The following TXNL4B variants were observed in gnomAD, a reference collection of about 807,000 sequenced individuals.
The protein encoded by TXNL4B is thioredoxin-like protein 4B.
In TXNL4B, 12 loss-of-function variants were observed where a neutral mutation model predicts 13.0. The ratio of observed to expected loss-of-function variants is 0.92; its 90% confidence interval spans 0.59 to 1.49. The LOEUF (loss-of-function observed/expected upper bound fraction) is 1.49, where lower values mean the gene tolerates loss of function less well. TXNL4B is among the 40% of genes most tolerant of loss of function. The pLI, the probability that TXNL4B is intolerant of heterozygous loss-of-function variation, is 0.00. For missense variants in TXNL4B, 214 were observed against 173.6 expected (o/e 1.23, Z -1.31); for synonymous variants, 59 against 58.9 (o/e 1.00, Z -0.01).
At chr16:72,090,975 C>G (rs764654365) in intron 1 of TXNL4B, among the ~76,000 whole-genome samples, 189 bp from the exon 2 acceptor site, 2 of 152,168 alleles carry the variant, frequency 1.3e-5, no homozygotes, top group African/African-American at 2.4e-5. Flanking sequence ...TTCCCTCCCC[C>G]GGGCCAGATA....
chr16:72,087,503 T>A (rs987838171), intron 3 of TXNL4B: 1 of 152,208 alleles, frequency 6.6e-6, no homozygotes, highest in African/African-American at 2.4e-5. Context: ...CATATTAAAG[T>A]CCTGGAAGTG....
At chr16:72,086,915 G>T in intron 3 of TXNL4B, 113 bp from the exon 4 acceptor site, 1 of 801,512 alleles carries the variant, frequency 1.2e-6, no homozygotes, top group South Asian at 2.4e-5. Flanking sequence ...TCTTGTCAAT[G>T]AGACTTCAGA....
chr16:72,092,190 C>T (rs2041917209), intron 1 of TXNL4B, among the ~76,000 whole-genome samples: 1 of 152,218 alleles, frequency 6.6e-6, no homozygotes, highest in African/African-American at 2.4e-5. Context: ...GGGTGGATCA[C>T]CTATGGCCAG....
At position 72,089,093 on chromosome 16, in the gene TXNL4B, G is replaced by A. The variant is rs773866268; in HGVS notation, c.178C>T (p.Leu60=). 4 of 1,612,472 alleles carry A rather than the reference G, an allele frequency of 2.5e-6. No individual in the cohort carries two copies. The highest frequency in any genetic ancestry group is 3.4e-6 in the Non-Finnish European group (4 of 1,178,606). ...SDLSKMAAIY[L]VDVDQTAVYT... ...ACTGCAGTTTGGTCCACATCTACCA[G>A]GTATATAGCAGCCATTTTACTTAAG... is the stretch of plus-strand genomic sequence containing the variant. The change falls in exon 3 of 4, where the codon CTG becomes TTG. Residue 60 remains leucine, a synonymous_variant. Transcript: ENST00000268483.
At chr16:72,090,495 T>C (rs748139130) in intron 2 of TXNL4B, 123 bp downstream of exon 2, 4 of 955,382 alleles carry the variant, frequency 4.2e-6, no homozygotes, top group Admixed American at 5.0e-5. Flanking sequence ...CAGCTCTTAG[T>C]GAACTAACAA....
chr16:72,091,634 A>G (rs189011817), intron 1 of TXNL4B, among the ~76,000 whole-genome samples: 15 of 152,344 alleles, frequency 9.8e-5, no homozygotes, highest in Admixed American at 9.8e-4. Context: ...ATGGCAGCAT[A>G]TTATTTCTTG....
chr16:72,090,686 C>A lies in TXNL4B; in HGVS notation c.64G>T (p.Ala22Ser), dbSNP rs752798691. The A allele has an allele frequency of 2.5e-6, 4 of 1,614,184 alleles. No homozygotes were observed. Among genetic ancestry groups the A allele is most frequent in the Non-Finnish European group, 2.5e-6 (3 of 1,180,024 alleles). The change falls in exon 2 of 4, where the codon GCT becomes TCT. Residue 22 changes from alanine (A) to serine (S), a missense_variant. Ala to Ser is a moderately conservative substitution (Grantham distance 99, BLOSUM62 1). Transcript: ENST00000268483. ...AACCTGAGAACCAACACCTTCTCAGCAGTACTTTTTATCGCCTGGTCTACT... is the reference window on the plus strand; with the variant it reads ...AACCTGAGAACCAACACCTTCTCAGAAGTACTTTTTATCGCCTGGTCTACT... ...KEVDQAIKST[A>S]EKVLVLRFGR...
rs907613679 is a variant in TXNL4B, at chr16:72,086,540, C to A, written c.*97G>T. The A allele has an allele frequency of 1.3e-5, 15 of 1,193,242 alleles. No homozygotes were observed. The highest frequency in any genetic ancestry group is 1.7e-5 in the Non-Finnish European group (14 of 841,106). 73.9% of individuals were successfully genotyped at this position (1,193,242 alleles called of 1,614,324 possible). A position where few individuals can be genotyped will look rare whatever the true frequency, so the allele number is the denominator to read the frequency against. Reference sequence around the variant, plus strand: ...AAGTCAAACCTCTTCTCCTCTGGGACACATGTTTCCAAAGGACTCCAGAAA... The same window carrying A: ...AAGTCAAACCTCTTCTCCTCTGGGAAACATGTTTCCAAAGGACTCCAGAAA... On this transcript the variant is annotated 3_prime_UTR_variant, in exon 4 of 4. Coordinates refer to ENST00000268483, the MANE Select transcript of TXNL4B (RefSeq NM_017853.3).
intron 3 of TXNL4B, among the ~76,000 whole-genome samples, chr16:72,087,780 T>A (rs1187854279): frequency 6.6e-6 from 1 of 152,154 alleles, no homozygotes; most frequent in African/African-American, 2.4e-5. Context: ...ATCTCCTGCC[T>A]CAGCCTCCTG....
upstream of TXNL4B, chr16:72,094,281 C>G (rs574596764): frequency 6.5e-6 from 1 of 152,754 alleles, no homozygotes; most frequent in African/African-American, 2.4e-5. Context: ...TCGCTGAGAT[C>G]CAGGGATGCT....
intron 3 of TXNL4B, among the ~76,000 whole-genome samples, chr16:72,087,017 CAT>C (rs1275527479): frequency 6.6e-6 from 1 of 152,208 alleles, no homozygotes; most frequent in East Asian, 1.9e-4. Context: ...AAAGCTCTGT[CAT>C]GTGCAAAGCT....
At position 72,093,551 on chromosome 16, in the gene TXNL4B, A is replaced by G. The variant is rs879470678; in HGVS notation, c.-222T>C. The G allele has an allele frequency of 2.6e-5, 4 of 152,366 alleles. No individual in the cohort carries two copies. The highest frequency in any genetic ancestry group is 5.9e-5 in the Non-Finnish European group (4 of 68,128). 9.4% of individuals were successfully genotyped at this position (152,366 alleles called of 1,614,324 possible). A position where few individuals can be genotyped will look rare whatever the true frequency, so the allele number is the denominator to read the frequency against. ...CCCGCTAGCGGGAAGGAAACCGAAC[A>G]GAAAACGCACAAGCGCAGAAAAGAA... On this transcript the variant is annotated 5_prime_UTR_variant, in exon 1 of 4. Coordinates refer to ENST00000268483, the MANE Select transcript of TXNL4B (RefSeq NM_017853.3).
At chr16:72,091,644 G>C (rs2041906359) in intron 1 of TXNL4B, among the ~76,000 whole-genome samples, 1 of 152,156 alleles carries the variant, frequency 6.6e-6, no homozygotes, top group South Asian at 2.1e-4. Context: ...ATTATTTCTT[G>C]CATGTGTTAC....
intron 2 of TXNL4B, 44 bp from the exon 3 acceptor site, chr16:72,089,182 C>T (rs1162062305): frequency 6.5e-7 from 1 of 1,534,614 alleles, no homozygotes; most frequent in Non-Finnish European, 8.9e-7. Context: ...TGAGAGGCAG[C>T]TTAATGTTTC....
intron 3 of TXNL4B, 86 bp from the exon 4 acceptor site, chr16:72,086,888 C>G: frequency 9.4e-7 from 1 of 1,068,552 alleles, no homozygotes; most frequent in Non-Finnish European, 1.3e-6. Flanking sequence ...AAATGAAAAA[C>G]AGCTTTGTTA....
At chr16:72,089,668 T>G (rs1478448738) in intron 2 of TXNL4B, among the ~76,000 whole-genome samples, 4 of 152,250 alleles carry the variant, frequency 2.6e-5, no homozygotes, top group Non-Finnish European at 1.5e-5. Context: ...ATGTGGATAC[T>G]GAAATTCCCT....
At position 72,089,016 on chromosome 16, in the gene TXNL4B, G is replaced by A. The variant is rs368821096; in HGVS notation, c.255C>T (p.Phe85=). ...AATCCACTTTCATATGCTGCCCATT[G>A]AAGAAAAAGACAGTAGATGGAATAT... ...ISYIPSTVFF[F]NGQHMKVDYG... Residue 85 remains phenylalanine, a synonymous_variant, in exon 3 of 4, where the codon TTC becomes TTT. Coordinates refer to ENST00000268483, the MANE Select transcript of TXNL4B (RefSeq NM_017853.3). 2.4e-5 allele frequency: 38 copies of A among 1,610,572 alleles called. No homozygotes were observed. Among genetic ancestry groups the A allele is most frequent in the South Asian group, 1.7e-4 (15 of 90,786 alleles).
intron 2 of TXNL4B, among the ~76,000 whole-genome samples, 174 bp from the exon 3 acceptor site, chr16:72,089,312 C>T (rs2041868161): frequency 6.6e-6 from 1 of 152,216 alleles, no homozygotes; most frequent in Non-Finnish European, 1.5e-5. Context: ...GAGTCTCATT[C>T]ACTGCAACGG....
At chr16:72,093,292 T>C (rs974417820) in intron 1 of TXNL4B, 75 bp downstream of exon 1, 1 of 152,220 alleles carries the variant, frequency 6.6e-6, no homozygotes, top group Non-Finnish European at 1.5e-5. Flanking sequence ...TTCCAAAATA[T>C]CCGATATACA....
Sources: allele counts gnomAD v4.1 joint callset (sites outside exome capture counted in the v4.1 genomes callset), GRCh38; gene constraint gnomAD v4.1.1; transcripts MANE v1.5; gene names NCBI Gene and HGNC (gene_info 2026-07-23, HGNC 2026-07-21).